Variants in PTPRD observed in about 807,000 individuals in gnomAD.
The protein encoded by PTPRD is protein tyrosine phosphatase receptor type D.
In PTPRD, 34 loss-of-function variants were observed where a neutral mutation model predicts 214.5. The ratio of observed to expected loss-of-function variants is 0.16; its 90% CI spans 0.12 to 0.21. The LOEUF (loss-of-function observed/expected upper bound fraction) is 0.21, where lower values mean the gene tolerates loss of function less well. Among genes scored for constraint, PTPRD ranks in the 10% least tolerant of loss-of-function variants. PTPRD has a pLI of 1.00. For missense variants in PTPRD, 2,545 were observed against 2,398.7 expected (o/e 1.06, Z -1.27); for synonymous variants, 1,128 against 845.7 (o/e 1.33, Z -5.79).
chr9:10,466,842 G>A (rs2098998019), intron 2 of PTPRD, among the ~76,000 whole-genome samples: 1 of 152,024 alleles, frequency 6.6e-6, no homozygotes, highest in African/African-American at 2.4e-5. Flanking sequence ...TCAAGGAAAG[G>A]GAGAAATAGA....
chr9:8,500,042 G>C (rs774935081), intron 24 of PTPRD, among the ~76,000 whole-genome samples: 2 of 77,030 alleles, frequency 2.6e-5, no homozygotes, highest in Non-Finnish European at 5.3e-5. Context: ...CAAAAAACAT[G>C]ACCGATGCAA....
chr9:10,345,213 A>G (rs1433645853), intron 2 of PTPRD, among the ~76,000 whole-genome samples: 2 of 152,218 alleles, frequency 1.3e-5, no homozygotes, highest in African/African-American at 2.4e-5. Flanking sequence ...ATAATATTTC[A>G]GACAACCTCA....
At chr9:8,415,655 G>A (rs1191340247) in intron 35 of PTPRD, among the ~76,000 whole-genome samples, 4 of 152,098 alleles carry the variant, frequency 2.6e-5, no homozygotes, top group African/African-American at 9.6e-5. Context: ...AAATTAACAT[G>A]TCCTTTAAAA....
At chr9:10,038,035 C>T (rs2097220133) in intron 3 of PTPRD, among the ~76,000 whole-genome samples, 1 of 152,114 alleles carries the variant, frequency 6.6e-6, no homozygotes, top group Non-Finnish European at 1.5e-5. Context: ...CAATGACCCT[C>T]ATATTTATAA....
At chr9:8,953,716 A>T (rs894101939) in intron 11 of PTPRD, among the ~76,000 whole-genome samples, 2 of 152,116 alleles carry the variant, frequency 1.3e-5, no homozygotes, top group African/African-American at 4.8e-5. Flanking sequence ...TTAACAGAAG[A>T]CATACAAGCA....
intron 11 of PTPRD, among the ~76,000 whole-genome samples, chr9:8,739,070 A>G (rs1432641654): frequency 6.6e-6 from 1 of 152,244 alleles, no homozygotes; most frequent in Non-Finnish European, 1.5e-5. Context: ...CCATTTGTAC[A>G]AACGATGTGC....
intron 3 of PTPRD, among the ~76,000 whole-genome samples, chr9:10,289,019 G>A (rs1218165587): frequency 7.9e-6 from 1 of 126,030 alleles, no homozygotes; most frequent in Non-Finnish European, 1.6e-5. Flanking sequence ...AATTAAGATG[G>A]AGAGTTTTTT....
chr9:10,407,277 A>AAT (rs1426332367), intron 2 of PTPRD, among the ~76,000 whole-genome samples: 9 of 151,610 alleles, frequency 5.9e-5, no homozygotes, highest in African/African-American at 9.7e-5. Context: ...ATTTAAAATG[A>AAT]ATATGGTGTG....
chr9:8,488,493 A>T (rs1346168659), intron 27 of PTPRD, among the ~76,000 whole-genome samples: 1 of 152,336 alleles, frequency 6.6e-6, no homozygotes, highest in African/African-American at 2.4e-5. Context: ...TATATAAAAC[A>T]TGTGTGTTGA....
chr9:9,671,070 A>G (rs997234947), intron 7 of PTPRD, among the ~76,000 whole-genome samples: 1 of 152,154 alleles, frequency 6.6e-6, no homozygotes, highest in Admixed American at 6.5e-5. Context: ...CAGACACTCA[A>G]TGCCAGCTCA....
At chr9:9,182,632 T>C (rs2131474587) in intron 10 of PTPRD, among the ~76,000 whole-genome samples, 1 of 152,126 alleles carries the variant, frequency 6.6e-6, no homozygotes, top group South Asian at 2.1e-4. Flanking sequence ...GGAAAAAATG[T>C]CCTTGGCAGA....
At chr9:10,182,544 CA>C (rs2099304278) in intron 3 of PTPRD, among the ~76,000 whole-genome samples, 1 of 151,992 alleles carries the variant, frequency 6.6e-6, no homozygotes, top group Non-Finnish European at 1.5e-5. Flanking sequence ...AAGTGTTTAA[CA>C]TCTATTTACT....
intron 3 of PTPRD, among the ~76,000 whole-genome samples, chr9:10,204,262 G>A (rs1374556811): frequency 6.6e-6 from 1 of 151,952 alleles, no homozygotes; most frequent in African/African-American, 2.4e-5. Context: ...GGGTTTGCTT[G>A]CTTCTATGTG....
At chr9:9,565,372 A>C (rs1447993400) in intron 8 of PTPRD, among the ~76,000 whole-genome samples, 5 of 151,870 alleles carry the variant, frequency 3.3e-5, no homozygotes, top group Admixed American at 1.3e-4. Flanking sequence ...ATGTTTATTA[A>C]ATTTAAAATT....
intron 11 of PTPRD, among the ~76,000 whole-genome samples, chr9:8,948,569 A>ATATTTATATT (rs2099085092): frequency 1.9e-5 from 2 of 104,124 alleles, no homozygotes; most frequent in Non-Finnish European, 1.8e-5. Flanking sequence ...ATATTTATAT[A>ATATTTATATT]TATATATACA....
At chr9:8,888,120 T>C (rs550951280) in intron 11 of PTPRD, among the ~76,000 whole-genome samples, 1 of 152,318 alleles carries the variant, frequency 6.6e-6, no homozygotes, top group African/African-American at 2.4e-5. Flanking sequence ...TTTGCTTTCG[T>C]TAAAGAGTGC....
chr9:9,888,512 G>C (rs758472652), intron 5 of PTPRD, among the ~76,000 whole-genome samples: 2 of 152,094 alleles, frequency 1.3e-5, no homozygotes, highest in Non-Finnish European at 2.9e-5. Flanking sequence ...GCTTGGTGCT[G>C]TCCTCAAAGT....
At chr9:9,484,195 A>G (rs1303182887) in intron 8 of PTPRD, among the ~76,000 whole-genome samples, 1 of 150,690 alleles carries the variant, frequency 6.6e-6, no homozygotes, top group Non-Finnish European at 1.5e-5. Flanking sequence ...TGTATATAAT[A>G]GAATACTATA....
chr9:8,734,153 T>C (rs1056435043), intron 11 of PTPRD, among the ~76,000 whole-genome samples: 1 of 152,220 alleles, frequency 6.6e-6, no homozygotes, highest in Non-Finnish European at 1.5e-5. Flanking sequence ...CTATCCGGGT[T>C]TGTGTTACGT....
Sources: allele counts gnomAD v4.1 joint callset (sites outside exome capture counted in the v4.1 genomes callset), GRCh38; gene constraint gnomAD v4.1.1; transcripts MANE v1.5; gene names NCBI Gene and HGNC (gene_info 2026-07-23, HGNC 2026-07-21).